Variants in TSPAN18 observed in about 807,000 individuals in gnomAD.
TSPAN18 encodes tetraspanin-18.
TSPAN18 carries 14 observed loss-of-function variants against 27.3 expected under a neutral mutation model. The observed-to-expected ratio is 0.51, with a 90% CI of 0.34 to 0.80. TSPAN18 has a LOEUF of 0.80. Ranked by LOEUF, TSPAN18 falls within the 30% of genes least tolerant of loss-of-function variation. TSPAN18 has a pLI of 0.01. For synonymous variants in TSPAN18, 143 were observed against 136.5 expected, an observed-to-expected ratio of 1.05 and a Z score of -0.33; for missense variants, 268 against 323.9, an observed-to-expected ratio of 0.83 and a Z score of 1.32.
At chr11:44,781,112 A>C (rs1277837495) in intron 2 of TSPAN18, among the ~76,000 whole-genome samples, 1 of 152,230 alleles carries the variant, frequency 6.6e-6, no homozygotes, top group Non-Finnish European at 1.5e-5. Context: ...CTGGTGGCTT[A>C]TTCATCATGT....
chr11:44,750,130 C>G (rs753313248), intron 1 of TSPAN18, among the ~76,000 whole-genome samples: 4 of 152,234 alleles, frequency 2.6e-5, no homozygotes, highest in Non-Finnish European at 5.9e-5. Context: ...GGGGCAGTAA[C>G]TCACCCAGGA....
At chr11:44,799,130 A>G (rs1192177005) in intron 2 of TSPAN18, among the ~76,000 whole-genome samples, 3 of 151,364 alleles carry the variant, frequency 2.0e-5, no homozygotes, top group Admixed American at 2.0e-4. Context: ...CCATCGGTGC[A>G]GAGAGGACAC....
intron 2 of TSPAN18, among the ~76,000 whole-genome samples, chr11:44,798,679 T>C (rs1481412957): frequency 6.6e-6 from 1 of 152,084 alleles, no homozygotes; most frequent in Non-Finnish European, 1.5e-5. Flanking sequence ...TAGAAACCCA[T>C]GGAATTGGAG....
At chr11:44,910,531 G>C (rs1859669867) in intron 5 of TSPAN18, among the ~76,000 whole-genome samples, 1 of 152,234 alleles carries the variant, frequency 6.6e-6, no homozygotes. Context: ...TCAGCTGAGA[G>C]CACTGACATT....
intron 2 of TSPAN18, among the ~76,000 whole-genome samples, chr11:44,841,887 T>C (rs780863040): frequency 5.9e-5 from 9 of 152,364 alleles, no homozygotes; most frequent in Non-Finnish European, 1.2e-4. Context: ...TATGAAGTCA[T>C]AGATAAGGCT....
In TSPAN18 at chr11:44,905,855, G is replaced by C. The variant is rs373215376; in HGVS notation, c.-10-552G>C. Among the ~76,000 whole-genome samples the C allele has an allele frequency of 7.9e-5, 12 of 152,312 alleles. No individual in the cohort carries two copies. The South Asian group carries it at 1.7e-3, about 21-fold the overall frequency. On this transcript the variant is annotated intron_variant, in intron 3 of 9. Transcript: ENST00000520358. ...CAGGTTTTAGATCCCCAGGTAGGCT[G>C]CTCTCCTTTTCCCTGCAACACCCCA...
At chr11:44,784,128 A>G (rs1400790583) in intron 2 of TSPAN18, among the ~76,000 whole-genome samples, 3 of 152,164 alleles carry the variant, frequency 2.0e-5, no homozygotes, top group African/African-American at 7.2e-5. Flanking sequence ...GCAACATGCC[A>G]TTAATAAGGG....
chr11:44,822,837 T>C (rs949481521), intron 2 of TSPAN18, among the ~76,000 whole-genome samples: 11 of 152,118 alleles, frequency 7.2e-5, no homozygotes, highest in Admixed American at 7.2e-4. Flanking sequence ...CTTTCTCCAA[T>C]TGTATAATAT....
chr11:44,781,592 C>T (rs1310121999), intron 2 of TSPAN18, among the ~76,000 whole-genome samples: 1 of 152,112 alleles, frequency 6.6e-6, no homozygotes, highest in African/African-American at 2.4e-5. Flanking sequence ...TGTCTTCTCC[C>T]ACAGCCCCGG....
At chr11:44,734,438 A>G (rs1854738667) in intron 1 of TSPAN18, among the ~76,000 whole-genome samples, 2 of 152,222 alleles carry the variant, frequency 1.3e-5, no homozygotes, top group Non-Finnish European at 2.9e-5. Context: ...GCAAGAATAT[A>G]GGAAAGCTAA....
intron 2 of TSPAN18, among the ~76,000 whole-genome samples, chr11:44,802,212 G>T (rs1031254875): frequency 2.0e-5 from 3 of 151,896 alleles, no homozygotes; most frequent in African/African-American, 4.8e-5. Flanking sequence ...CAGCCCCTGG[G>T]GGTCTTTGGT....
At chr11:44,860,155 C>T (rs1022259362) in intron 2 of TSPAN18, among the ~76,000 whole-genome samples, 173 bp from the exon 3 acceptor site, 1 of 152,208 alleles carries the variant, frequency 6.6e-6, no homozygotes, top group Non-Finnish European at 1.5e-5. Flanking sequence ...TATTTCCAGG[C>T]TATTTCAGTC....
chr11:44,900,891 T>C (rs11038192), intron 3 of TSPAN18, among the ~76,000 whole-genome samples: 17,142 of 151,846 alleles, frequency 0.11, 1,249 homozygotes, highest in Middle Eastern at 0.21. Context: ...GACAGGGTTT[T>C]GCCATGTTGG....
At chr11:44,834,035 G>T (rs1857211241) in intron 2 of TSPAN18, among the ~76,000 whole-genome samples, 1 of 151,400 alleles carries the variant, frequency 6.6e-6, no homozygotes, top group East Asian at 1.9e-4. Flanking sequence ...GCTGCTCACT[G>T]CCCAGCTACA....
chr11:44,911,440 A>G (rs78611586), intron 5 of TSPAN18, among the ~76,000 whole-genome samples: 1 of 152,132 alleles, frequency 6.6e-6, no homozygotes, highest in African/African-American at 2.4e-5. Flanking sequence ...CCTTGGGCCT[A>G]TTTGTCCTTC....
chr11:44,816,409 A>G (rs766170544), intron 2 of TSPAN18, among the ~76,000 whole-genome samples: 1 of 152,200 alleles, frequency 6.6e-6, no homozygotes, highest in Admixed American at 6.5e-5. Context: ...CCTCTGGTTC[A>G]TCAGAATCGA....
chr11:44,811,616 C>T (rs553053528), intron 2 of TSPAN18, among the ~76,000 whole-genome samples: 1 of 152,218 alleles, frequency 6.6e-6, no homozygotes, highest in South Asian at 2.1e-4. Flanking sequence ...CCCGCCACCA[C>T]ACCTGGCTAA....
At chr11:44,925,944 T>C (rs1342119612) in intron 8 of TSPAN18, 3 of 152,198 alleles carry the variant, frequency 2.0e-5, no homozygotes, top group African/African-American at 7.2e-5. Flanking sequence ...AGCTTGCTTT[T>C]TCCTATCTCT....
chr11:44,872,065 A>C (rs1222222194), intron 3 of TSPAN18, among the ~76,000 whole-genome samples: 2 of 152,044 alleles, frequency 1.3e-5, no homozygotes, highest in African/African-American at 4.8e-5. Flanking sequence ...CTGGGATTAC[A>C]GGCACCCACC....
Sources: allele counts gnomAD v4.1 joint callset (sites outside exome capture counted in the v4.1 genomes callset), GRCh38; gene constraint gnomAD v4.1.1; transcripts MANE v1.5; gene names NCBI Gene and HGNC (gene_info 2026-07-23, HGNC 2026-07-21).